DACH2: variants seen among roughly 807,000 people sequenced by gnomAD.
DACH2 encodes dachshund family transcription factor 2.
In DACH2, 17 loss-of-function variants were observed where a neutral mutation model predicts 35.8. The ratio of observed to expected loss-of-function variants is 0.48; its 90% confidence interval spans 0.33 to 0.71. The LOEUF (loss-of-function observed/expected upper bound fraction) is 0.71. DACH2 is among the 30% of genes least tolerant of loss of function. The pLI, the probability that DACH2 is intolerant of heterozygous loss-of-function variation, is 0.02. For synonymous variants in DACH2, 195 were observed against 177.3 expected (o/e 1.10, Z -0.79); for missense variants, 469 against 472.7 (o/e 0.99, Z 0.07).
At chrX:86,526,711 G>A (rs1028692171) in intron 3 of DACH2, among the ~76,000 whole-genome samples, 5 of 110,424 alleles carry the variant, frequency 4.5e-5, no homozygotes, top group African/African-American at 1.6e-4. Context: ...AGTGTCAGGT[G>A]AGAATGCTTT....
At chrX:86,790,938 T>C (rs1400922228) in intron 7 of DACH2, among the ~76,000 whole-genome samples, 3 of 111,983 alleles carry the variant, frequency 2.7e-5, no homozygotes, top group Non-Finnish European at 3.8e-5. Context: ...AATTAACATA[T>C]ATCGTATGTT....
chrX:86,382,841 A>G (rs1012939428), intron 2 of DACH2, among the ~76,000 whole-genome samples: 2 of 111,074 alleles, frequency 1.8e-5, no homozygotes, highest in African/African-American at 3.3e-5. Flanking sequence ...GCATACATAT[A>G]CCTAATTGTC....
chrX:86,582,113 C>T (rs2039508953), intron 3 of DACH2, among the ~76,000 whole-genome samples: 2 of 111,466 alleles, frequency 1.8e-5, no homozygotes, highest in African/African-American at 6.5e-5. Context: ...TCCTGAGTAA[C>T]TTTTGGGTTA....
At chrX:86,388,797 T>TA (rs1444643497) in intron 2 of DACH2, among the ~76,000 whole-genome samples, 3 of 111,646 alleles carry the variant, frequency 2.7e-5, no homozygotes, top group Admixed American at 9.6e-5. Context: ...ATGTTTTAGT[T>TA]AAAAAAACTC....
At chrX:86,207,516 G>A (rs1469462017) in intron 1 of DACH2, among the ~76,000 whole-genome samples, 1 of 109,608 alleles carries the variant, frequency 9.1e-6, no homozygotes, top group African/African-American at 3.3e-5. Context: ...AAAATATGTT[G>A]TGTACCCCAT....
chrX:86,508,051 G>C (rs926607464), intron 2 of DACH2, among the ~76,000 whole-genome samples: 29 of 111,505 alleles, frequency 2.6e-4, no homozygotes, highest in African/African-American at 9.5e-4. Context: ...GAGAAGGGTG[G>C]AAAGTGGGAT....
At chrX:86,688,533 A>C (rs1006663475) in intron 4 of DACH2, among the ~76,000 whole-genome samples, 1 of 111,863 alleles carries the variant, frequency 8.9e-6, no homozygotes, top group Non-Finnish European at 1.9e-5. Flanking sequence ...AGACTGAGAG[A>C]TCTTTGAGGG....
chrX:86,781,299 C>T (rs1288892157), intron 7 of DACH2, among the ~76,000 whole-genome samples: 1 of 111,525 alleles, frequency 9.0e-6, no homozygotes, highest in Non-Finnish European at 1.9e-5. Context: ...GAGATAGAAT[C>T]CTTTAGTTCA....
intron 1 of DACH2, among the ~76,000 whole-genome samples, chrX:86,246,799 G>C (rs1026210649): frequency 3.6e-5 from 4 of 111,507 alleles, no homozygotes; most frequent in Non-Finnish European, 5.7e-5. Flanking sequence ...CCAGATAACA[G>C]TGTGATAGGA....
chrX:86,160,345 A>T (rs1342079928), intron 1 of DACH2: 10 of 905,087 alleles, frequency 1.1e-5, no homozygotes, highest in Non-Finnish European at 1.6e-5. Flanking sequence ...TATCACAAAC[A>T]CCAAAGTGAC....
At chrX:86,667,592 G>A (rs1238882839) in intron 4 of DACH2, among the ~76,000 whole-genome samples, 1 of 104,161 alleles carries the variant, frequency 9.6e-6, no homozygotes, top group African/African-American at 3.8e-5. Context: ...AAGAAAGAAA[G>A]AAAGAAAGAA....
intron 7 of DACH2, among the ~76,000 whole-genome samples, chrX:86,754,400 G>A (rs1019856277): frequency 9.1e-6 from 1 of 110,076 alleles, no homozygotes; most frequent in Non-Finnish European, 1.9e-5. Flanking sequence ...GTGGCAGGAG[G>A]GACTAACAAA....
At chrX:86,244,047 ATTCACAAAGCAACATTTGTATGT>A (rs770235870) in intron 1 of DACH2, among the ~76,000 whole-genome samples, 38 of 112,145 alleles carry the variant, frequency 3.4e-4, no homozygotes, top group Non-Finnish European at 6.4e-4. Flanking sequence ...AACCTTTTAC[ATTCACAAAGCAACATTTGTATGT>A]TTGGCCTACT....
chrX:86,719,905 C>A (rs1461226091), intron 6 of DACH2, among the ~76,000 whole-genome samples: 1 of 104,399 alleles, frequency 9.6e-6, no homozygotes, highest in African/African-American at 3.5e-5. Context: ...TTTCAATAGT[C>A]CCTCCAAATC....
At chrX:86,487,026 G>T (rs2038028442) in intron 2 of DACH2, among the ~76,000 whole-genome samples, 1 of 111,593 alleles carries the variant, frequency 9.0e-6, no homozygotes, top group Non-Finnish European at 1.9e-5. Context: ...AGCAGTGTGA[G>T]ACTAAGTTTT....
intron 1 of DACH2, among the ~76,000 whole-genome samples, chrX:86,246,274 A>G (rs1398923713): frequency 7.3e-5 from 5 of 68,710 alleles, no homozygotes; most frequent in Admixed American, 3.5e-4. Context: ...AAATTTCCCA[A>G]ACTTGCGAGA....
At chrX:86,708,955 A>G (rs1602829729) in intron 5 of DACH2, among the ~76,000 whole-genome samples, 1 of 111,655 alleles carries the variant, frequency 9.0e-6, no homozygotes, top group East Asian at 2.8e-4. Context: ...AGGAAGACTC[A>G]ATATGATTAG....
chrX:86,398,514 C>T (rs1297806477), intron 2 of DACH2, among the ~76,000 whole-genome samples: 1 of 111,874 alleles, frequency 8.9e-6, no homozygotes, highest in African/African-American at 3.3e-5. Context: ...CCTGCTTTCT[C>T]CTGTGGGCAT....
At chrX:86,281,181 T>C (rs915133867) in intron 1 of DACH2, among the ~76,000 whole-genome samples, 2 of 111,129 alleles carry the variant, frequency 1.8e-5, no homozygotes, top group Admixed American at 9.6e-5. Context: ...TATTCTAAAA[T>C]TGAACACATA....
Sources: gnomAD v4.1 joint callset for allele counts (sites outside exome capture counted in the v4.1 genomes callset) on GRCh38, gnomAD v4.1.1 for gene constraint, MANE v1.5 for transcripts, NCBI Gene and HGNC (gene_info 2026-07-23, HGNC 2026-07-21) for gene names.